THSD7B: variants seen among roughly 807,000 people sequenced by gnomAD.
THSD7B encodes the protein thrombospondin type 1 domain containing 7B.
In THSD7B, 138 loss-of-function variants were observed where a neutral mutation model predicts 213.6. That is an observed-to-expected ratio of 0.65 (90% CI 0.56 to 0.74). The LOEUF (loss-of-function observed/expected upper bound fraction) is 0.74. Among genes scored for constraint, THSD7B ranks in the 30% least tolerant of loss-of-function variants. The pLI is 0.00. For synonymous variants in THSD7B, 742 were observed against 687.0 expected (o/e 1.08, Z -1.25); for missense variants, 1,931 against 1,991.5 (o/e 0.97, Z 0.58).
chr2:137,436,447 T>G (rs548851003), intron 14 of THSD7B, among the ~76,000 whole-genome samples: 1 of 152,308 alleles, frequency 6.6e-6, no homozygotes, highest in African/African-American at 2.4e-5. Flanking sequence ...ACACACAATT[T>G]GATTCCAGAG....
At chr2:137,272,866 A>T (rs1452032054) in intron 11 of THSD7B, among the ~76,000 whole-genome samples, 1 of 151,990 alleles carries the variant, frequency 6.6e-6, no homozygotes. Flanking sequence ...TAACAGGGGG[A>T]AAAGGAAGCA....
intron 12 of THSD7B, among the ~76,000 whole-genome samples, chr2:137,362,681 G>C (rs1685295446): frequency 1.3e-5 from 2 of 152,132 alleles, no homozygotes; most frequent in African/African-American, 4.8e-5. Flanking sequence ...AACAAGATGA[G>C]CTAACTATCC....
At chr2:137,075,862 G>C (rs1443562719) in intron 3 of THSD7B, among the ~76,000 whole-genome samples, 1 of 152,184 alleles carries the variant, frequency 6.6e-6, no homozygotes, top group Non-Finnish European at 1.5e-5. Context: ...TCCAGACACT[G>C]TTTGCCTGGG....
At chr2:137,187,660 G>T (rs1433974469) in intron 7 of THSD7B, among the ~76,000 whole-genome samples, 1 of 152,106 alleles carries the variant, frequency 6.6e-6, no homozygotes, top group South Asian at 2.1e-4. Context: ...ACCCCAGAAA[G>T]CCATGAGAAT....
intron 12 of THSD7B, among the ~76,000 whole-genome samples, chr2:137,352,874 T>A (rs1685043609): frequency 6.6e-6 from 1 of 152,028 alleles, no homozygotes; most frequent in Admixed American, 6.6e-5. Flanking sequence ...GAATTTTTAT[T>A]TTTCAATTTT....
intron 13 of THSD7B, among the ~76,000 whole-genome samples, chr2:137,407,010 C>T (rs1411749098): frequency 6.6e-6 from 1 of 152,122 alleles, no homozygotes; most frequent in Admixed American, 6.6e-5. Context: ...ACTCTGGCAA[C>T]TCTTTATATA....
chr2:137,442,009 ACTT>A (rs1687422962), intron 14 of THSD7B, among the ~76,000 whole-genome samples: 1 of 152,064 alleles, frequency 6.6e-6, no homozygotes, highest in Non-Finnish European at 1.5e-5. Context: ...ACAGAATTCT[ACTT>A]CTTATATTTT....
intron 15 of THSD7B, among the ~76,000 whole-genome samples, chr2:137,546,694 G>T (rs143623956): frequency 1.4e-5 from 2 of 148,098 alleles, no homozygotes; most frequent in African/African-American, 5.0e-5. Context: ...TTGTACATAC[G>T]CGTGTATTTA....
chr2:136,770,163 G>A (rs935118493), intron 1 of THSD7B, among the ~76,000 whole-genome samples: 3 of 152,164 alleles, frequency 2.0e-5, no homozygotes, highest in African/African-American at 7.2e-5. Flanking sequence ...AGTTAGGCAC[G>A]ATTGCCTTAG....
chr2:137,080,877 T>A (rs1431902145), intron 3 of THSD7B, among the ~76,000 whole-genome samples: 1 of 152,142 alleles, frequency 6.6e-6, no homozygotes, highest in Non-Finnish European at 1.5e-5. Flanking sequence ...TTCCAAGTTA[T>A]TTTTTGGTTG....
intron 12 of THSD7B, among the ~76,000 whole-genome samples, chr2:137,392,593 G>A (rs1480543537): frequency 6.6e-6 from 1 of 152,008 alleles, no homozygotes; most frequent in East Asian, 1.9e-4. Context: ...TGTTTGCATG[G>A]AATATCTTTT....
chr2:136,836,065 G>T (rs182877368), intron 1 of THSD7B, among the ~76,000 whole-genome samples: 1 of 152,250 alleles, frequency 6.6e-6, no homozygotes, highest in East Asian at 1.9e-4. Flanking sequence ...TGCAGCTGTT[G>T]TCTGTTTTCA....
chr2:137,231,724 C>T (rs1236958416), intron 8 of THSD7B, among the ~76,000 whole-genome samples: 1 of 152,138 alleles, frequency 6.6e-6, no homozygotes, highest in East Asian at 1.9e-4. Flanking sequence ...AGGAGGGGGG[C>T]ACATCATGGA....
intron 15 of THSD7B, among the ~76,000 whole-genome samples, chr2:137,517,067 A>G (rs1362582905): frequency 6.6e-6 from 1 of 152,234 alleles, no homozygotes; most frequent in East Asian, 1.9e-4. Context: ...GCAAATTAAC[A>G]CATCTCCTGG....
intron 20 of THSD7B, among the ~76,000 whole-genome samples, chr2:137,628,513 A>G (rs1340684134): frequency 1.3e-5 from 2 of 152,180 alleles, no homozygotes; most frequent in Non-Finnish European, 2.9e-5. Context: ...ACAAGTAATA[A>G]TGCCCATTGA....
chr2:137,123,629 G>T (rs1314670063), intron 5 of THSD7B, among the ~76,000 whole-genome samples: 1 of 152,120 alleles, frequency 6.6e-6, no homozygotes, highest in Non-Finnish European at 1.5e-5. Flanking sequence ...CAGCGATAAC[G>T]TTCAATGAAT....
At chr2:137,663,345 C>A in intron 25 of THSD7B, 38 bp from the exon 26 acceptor site, 1 of 1,453,834 alleles carries the variant, frequency 6.9e-7, no homozygotes, top group Non-Finnish European at 9.2e-7. Flanking sequence ...ACCTGTTCAA[C>A]TCACTGTGTA....
At chr2:137,575,719 A>AACACACAC (rs1553461200) in intron 17 of THSD7B, among the ~76,000 whole-genome samples, 9 of 136,632 alleles carry the variant, frequency 6.6e-5, no homozygotes, top group South Asian at 2.3e-4. Flanking sequence ...TTATTCCCAT[A>AACACACAC]ACACACATAT....
chr2:137,376,752 A>G (rs567843821), intron 12 of THSD7B, among the ~76,000 whole-genome samples: 79 of 152,348 alleles, frequency 5.2e-4, no homozygotes, highest in African/African-American at 1.7e-3. Context: ...TCCCAAATAC[A>G]TAAAATAAAT....
Sources: gnomAD v4.1 joint callset for allele counts (sites outside exome capture counted in the v4.1 genomes callset) on GRCh38, gnomAD v4.1.1 for gene constraint, MANE v1.5 for transcripts, NCBI Gene and HGNC (gene_info 2026-07-23, HGNC 2026-07-21) for gene names.